FHIT: variants seen among roughly 807,000 people sequenced by gnomAD.
The protein encoded by FHIT is bis(5'-adenosyl)-triphosphatase.
In FHIT, 19 loss-of-function variants were observed where a neutral mutation model predicts 17.9. The observed-to-expected ratio is 1.06, with a 90% CI of 0.74 to 1.56. The LOEUF is 1.56. Ranked by LOEUF, FHIT falls within the 40% of genes most tolerant of loss-of-function variation. The probability of loss-of-function intolerance (pLI) is 0.00; values close to 1 mark genes in which losing one functional copy is unlikely to be tolerated. For missense variants in FHIT, 248 were observed against 189.2 expected, an observed-to-expected ratio of 1.31 and a Z score of -1.82; for synonymous variants, 81 against 69.7, an observed-to-expected ratio of 1.16 and a Z score of -0.81.
chr3:60,116,360 G>T (rs1283940165), intron 5 of FHIT, among the ~76,000 whole-genome samples: 3 of 152,120 alleles, frequency 2.0e-5, no homozygotes, highest in Non-Finnish European at 4.4e-5. Context: ...TGGAACAGTG[G>T]CACAAAGTAT....
chr3:60,884,523 T>C (rs1553758814), intron 3 of FHIT, among the ~76,000 whole-genome samples: 1 of 152,152 alleles, frequency 6.6e-6, no homozygotes, highest in Admixed American at 6.5e-5. Context: ...CACAATGAAA[T>C]ACTATTCCGC....
intron 5 of FHIT, among the ~76,000 whole-genome samples, chr3:60,190,524 A>T (rs1360289869): frequency 2.6e-5 from 4 of 152,052 alleles, no homozygotes; most frequent in African/African-American, 9.7e-5. Flanking sequence ...CAAAGCAGGC[A>T]GATCACCTGA....
chr3:61,189,131 G>A (rs1039190096), intron 2 of FHIT, among the ~76,000 whole-genome samples: 4 of 152,190 alleles, frequency 2.6e-5, no homozygotes, highest in African/African-American at 4.8e-5. Flanking sequence ...TAGGAAAAGA[G>A]GAAGTCAAAC....
intron 3 of FHIT, among the ~76,000 whole-genome samples, chr3:60,844,448 C>T (rs762922957): frequency 2.0e-5 from 3 of 151,984 alleles, no homozygotes; most frequent in African/African-American, 2.4e-5. Context: ...TGTAAAGGCC[C>T]GATGATAAAA....
chr3:60,025,292 T>A (rs11130749), intron 5 of FHIT, among the ~76,000 whole-genome samples: 3,030 of 152,318 alleles, frequency 0.02, 103 homozygotes, highest in African/African-American at 0.068. Flanking sequence ...ATGGTGCATA[T>A]GTGCACGCAC....
intron 5 of FHIT, among the ~76,000 whole-genome samples, chr3:60,304,536 G>T (rs538488657): frequency 2.6e-5 from 4 of 152,110 alleles, no homozygotes; most frequent in Non-Finnish European, 4.4e-5. Flanking sequence ...TGAGACAAGT[G>T]TGTGAGTTTA....
At chr3:59,791,382 C>T (rs972089553) in intron 8 of FHIT, among the ~76,000 whole-genome samples, 5 of 152,298 alleles carry the variant, frequency 3.3e-5, no homozygotes, top group East Asian at 3.9e-4. Context: ...TGTGAGCCTC[C>T]GGCTGCTGGT....
chr3:60,165,336 G>A (rs1162085823), intron 5 of FHIT, among the ~76,000 whole-genome samples: 1 of 152,144 alleles, frequency 6.6e-6, no homozygotes, highest in African/African-American at 2.4e-5. Context: ...TGTTTTGTAG[G>A]CTTAAATCTC....
chr3:59,869,911 ATTC>A (rs1335433152), intron 8 of FHIT, among the ~76,000 whole-genome samples: 1 of 152,140 alleles, frequency 6.6e-6, no homozygotes, highest in Admixed American at 6.6e-5. Context: ...GATTATTTGA[ATTC>A]TTCTTCTGCA....
At position 61,216,463 on chromosome 3, in the gene FHIT, AG is replaced by A. The variant is rs2039679015; in HGVS notation, c.-212-15799del. On this transcript the variant is annotated intron_variant, in intron 1 of 9. Coordinates refer to ENST00000492590, the MANE Select transcript of FHIT (RefSeq NM_002012.4). ...AATGAGATACCATGTTACACCAGTTAGAATGGCAATCATTAAAAAGTCAGGA... is the reference window on the plus strand; with the variant it reads ...AATGAGATACCATGTTACACCAGTTAAATGGCAATCATTAAAAAGTCAGGA... Among the ~76,000 whole-genome samples, 13 of 152,380 alleles carry A rather than the reference AG, an allele frequency of 8.5e-5. No homozygotes were observed. The South Asian group carries it at 2.7e-3, about 32-fold the overall frequency.
At chr3:59,954,511 C>G (rs771364246) in intron 7 of FHIT, among the ~76,000 whole-genome samples, 2 of 152,096 alleles carry the variant, frequency 1.3e-5, no homozygotes, top group East Asian at 3.9e-4. Context: ...GTGCAAAGTG[C>G]TGAAGGAGAT....
chr3:59,806,359 C>G (rs571097074), intron 8 of FHIT, among the ~76,000 whole-genome samples: 1 of 152,210 alleles, frequency 6.6e-6, no homozygotes, highest in Admixed American at 6.5e-5. Flanking sequence ...GAGACAAACA[C>G]TTGACTATGG....
Position 60,065,917 on chromosome 3 carries a change from T to C in FHIT, c.104-51765A>G, listed in dbSNP as rs572505503. Among the ~76,000 whole-genome samples, 5 of 152,284 alleles carry C rather than the reference T, an allele frequency of 3.3e-5. No homozygotes were observed. In the South Asian group the frequency reaches 8.3e-4, roughly 25 times the overall value. On this transcript the variant is annotated intron_variant, in intron 5 of 9. Transcript: ENST00000492590. ...TTTCTTCCTACCGTGAATTTGATCATGGTTCCAGGAAATAGGGTGGCCATC... is the reference window on the plus strand; with the variant it reads ...TTTCTTCCTACCGTGAATTTGATCACGGTTCCAGGAAATAGGGTGGCCATC...
chr3:60,925,901 G>A (rs1158789993), intron 3 of FHIT, among the ~76,000 whole-genome samples: 3 of 152,164 alleles, frequency 2.0e-5, no homozygotes, highest in African/African-American at 7.2e-5. Context: ...AGCAGGGGTT[G>A]CAATCCTAGT....
chr3:60,825,571 C>T (rs528605637), intron 3 of FHIT, among the ~76,000 whole-genome samples: 12 of 152,246 alleles, frequency 7.9e-5, no homozygotes, highest in African/African-American at 2.6e-4. Context: ...CGAGCATTAC[C>T]GCCTGAGCTC....
At chr3:59,805,910 G>A (rs908554483) in intron 8 of FHIT, among the ~76,000 whole-genome samples, 8 of 152,034 alleles carry the variant, frequency 5.3e-5, no homozygotes, top group South Asian at 2.1e-4. Flanking sequence ...AGCTGGGCGC[G>A]GTGGCTCATG....
At chr3:60,903,418 T>C (rs1575666744) in intron 3 of FHIT, among the ~76,000 whole-genome samples, 1 of 152,216 alleles carries the variant, frequency 6.6e-6, no homozygotes, top group African/African-American at 2.4e-5. Flanking sequence ...CATAAAATAC[T>C]TTTTAAGTTA....
chr3:59,814,039 T>TACACACAC (rs769333983), intron 8 of FHIT, among the ~76,000 whole-genome samples: 2 of 72,852 alleles, frequency 2.7e-5, no homozygotes, highest in African/African-American at 1.2e-4. Flanking sequence ...TAAAAAAATT[T>TACACACAC]ACACATACAC....
At chr3:60,037,875 G>T (rs965766260) in intron 5 of FHIT, among the ~76,000 whole-genome samples, 1 of 151,222 alleles carries the variant, frequency 6.6e-6, no homozygotes, top group Non-Finnish European at 1.5e-5. Context: ...TGCCATGCCC[G>T]GCTAATTTTT....
Sources: allele counts gnomAD v4.1 joint callset (sites outside exome capture counted in the v4.1 genomes callset), GRCh38; gene constraint gnomAD v4.1.1; transcripts MANE v1.5; gene names NCBI Gene and HGNC (gene_info 2026-07-23, HGNC 2026-07-21).